Variants in ZNF717 observed in about 807,000 individuals in gnomAD.
ZNF717 encodes the protein krueppel-like factor X17.
ZNF717 carries 9 observed loss-of-function variants against 13.8 expected under a neutral mutation model. The observed-to-expected ratio is 0.65, with a 90% CI of 0.39 to 1.14. ZNF717 has a LOEUF of 1.14. Among genes scored for constraint, ZNF717 ranks in the 50% most tolerant of loss-of-function variants. ZNF717 has a pLI of 0.01. For synonymous variants in ZNF717, 327 were observed against 364.1 expected, an observed-to-expected ratio of 0.90 and a Z score of 1.16; for missense variants, 1,040 against 1,080.7, an observed-to-expected ratio of 0.96 and a Z score of 0.53.
downstream of ZNF717, among the ~76,000 whole-genome samples, chr3:75,706,985 G>A (rs1390643568): frequency 1.3e-5 from 2 of 152,422 alleles, no homozygotes; most frequent in Middle Eastern, 3.4e-3. Context: ...TATTGACTCA[G>A]AAGACCAAGT....
chr3:75,722,802 T>TAAAAAAAA (rs1559573571), intron 4 of ZNF717, among the ~76,000 whole-genome samples: 1 of 5,770 alleles, frequency 1.7e-4, no homozygotes, highest in African/African-American at 8.9e-4. Flanking sequence ...AAACTCCATC[T>TAAAAAAAA]CAAAAAAAAA....
downstream of ZNF717, chr3:75,732,074 C>G (rs1347687330): frequency 1.1e-5 from 8 of 702,922 alleles, no homozygotes; most frequent in Non-Finnish European, 2.1e-5. Flanking sequence ...TGGAGCTCCA[C>G]CAGGCTCCTG....
chr3:75,706,973 T>C (rs140375355), downstream of ZNF717, among the ~76,000 whole-genome samples: 2 of 152,406 alleles, frequency 1.3e-5, no homozygotes, highest in South Asian at 2.1e-4. Context: ...TGGGGAGAGG[T>C]TTATTGACTC....
At chr3:75,745,163 TTTTTC>T (rs1225708849) in intron 2 of ZNF717, among the ~76,000 whole-genome samples, 1 of 151,108 alleles carries the variant, frequency 6.6e-6, no homozygotes, top group African/African-American at 2.4e-5. Context: ...GTTGTTTTTT[TTTTTC>T]TTTCTGTCTT....
intron 2 of ZNF717, among the ~76,000 whole-genome samples, chr3:75,773,849 G>C (rs995509650): frequency 6.6e-6 from 1 of 152,124 alleles, no homozygotes; most frequent in Non-Finnish European, 1.5e-5. Context: ...CAGGAGTTCA[G>C]GGCCAGCCTG....
chr3:75,779,886 T>C (rs201111571), intron 2 of ZNF717, among the ~76,000 whole-genome samples: 1 of 104,830 alleles, frequency 9.5e-6, no homozygotes, highest in East Asian at 2.9e-4. Flanking sequence ...AATGGGAGTG[T>C]CCTGCTAAAC....
chr3:75,741,588 G>C, intron 3 of ZNF717, 22 bp downstream of exon 3: 1 of 1,588,920 alleles, frequency 6.3e-7, no homozygotes, highest in Non-Finnish European at 8.6e-7. Context: ...AATCCTGGGA[G>C]TTACTGGCAA....
chr3:75,737,976 G>C lies in ZNF717; in HGVS notation c.1647C>G (p.Tyr549Ter). ...ECGKTYSHKS[Y>*]LTVHHRTHTG... ...TGTGAGTTCTGTGATGTACTGTAAG[G>C]TATGACTTGTGGCTATATGTTTTTC... The change falls in exon 5 of 5, where the codon TAC becomes TAG. Residue 549 changes from tyrosine (Y) to a stop codon, truncating the protein, a stop_gained. Transcript: ENST00000652011. LOFTEE classifies it low-confidence loss of function (END_TRUNC). The C allele has an allele frequency of 3.2e-6, 5 of 1,544,074 alleles. No individual in the cohort carries two copies. The highest frequency in any genetic ancestry group is 4.4e-6 in the Non-Finnish European group (5 of 1,143,258).
intron 4 of ZNF717, among the ~76,000 whole-genome samples, chr3:75,719,907 G>A (rs1391432080): frequency 1.3e-5 from 2 of 151,826 alleles, no homozygotes; most frequent in Admixed American, 6.6e-5. Context: ...GCAGTGAGCT[G>A]AGATGGTGCC....
chr3:75,726,656 A>T (rs1938285790), downstream of ZNF717, among the ~76,000 whole-genome samples: 1 of 152,282 alleles, frequency 6.6e-6, no homozygotes, highest in African/African-American at 2.4e-5. Flanking sequence ...GTATCTAGAT[A>T]AACGATCCTG....
At chr3:75,722,361 T>C (rs1938184316) in intron 4 of ZNF717, among the ~76,000 whole-genome samples, 1 of 152,250 alleles carries the variant, frequency 6.6e-6, no homozygotes, top group Non-Finnish European at 1.5e-5. Context: ...AGAGTTGTAA[T>C]GTTTTTACAT....
chr3:75,758,632 T>C (rs1347175273), intron 2 of ZNF717, among the ~76,000 whole-genome samples: 10 of 152,120 alleles, frequency 6.6e-5, no homozygotes, highest in East Asian at 1.9e-4. Flanking sequence ...CAAACTTCAA[T>C]GTTGTATTAT....
At chr3:75,776,479 T>C (rs200415039) in intron 2 of ZNF717, among the ~76,000 whole-genome samples, 3 of 152,196 alleles carry the variant, frequency 2.0e-5, no homozygotes, top group Non-Finnish European at 2.9e-5. Flanking sequence ...TAGATTATTA[T>C]GCTGAAGTGT....
downstream of ZNF717, among the ~76,000 whole-genome samples, chr3:75,708,663 T>C (rs1481274662): frequency 2.6e-5 from 4 of 152,192 alleles, no homozygotes; most frequent in East Asian, 7.8e-4. Flanking sequence ...ACGATCAAAC[T>C]ACTCTGAGCT....
chr3:75,767,503 T>A (rs1390867738), intron 2 of ZNF717, among the ~76,000 whole-genome samples: 1 of 152,236 alleles, frequency 6.6e-6, no homozygotes, highest in East Asian at 1.9e-4. Flanking sequence ...GCCACAACTG[T>A]GAGGCTGAGC....
chr3:75,718,788 C>G (rs1419211448), intron 4 of ZNF717, among the ~76,000 whole-genome samples: 1 of 152,142 alleles, frequency 6.6e-6, no homozygotes, highest in African/African-American at 2.4e-5. Flanking sequence ...AGGCGGAGCT[C>G]AGGTCATAAT....
At chr3:75,753,439 G>T (rs796982101) in intron 2 of ZNF717, among the ~76,000 whole-genome samples, 130 of 110,140 alleles carry the variant, frequency 1.2e-3, no homozygotes, top group Middle Eastern at 6.3e-3. Flanking sequence ...ACTGCTACGA[G>T]GGTCTGAATG....
rs1310540477 is a variant in ZNF717 at position 75,738,445 on chromosome 3, T to G, written c.1178A>C (p.Lys393Thr). ...TCCACATTCACTACACTGATAGGGC[T>G]TTTCCCCTGAGTGAGTTCTGTGATG... ...TLHHRTHSGEKPYQCSECGKT... is the reference protein window; with the variant it reads ...TLHHRTHSGETPYQCSECGKT... Residue 393 changes from lysine (K) to threonine (T), a missense_variant, in exon 5 of 5, where the codon AAG becomes ACG. Lys to Thr is a moderately conservative substitution (Grantham distance 78). Transcript: ENST00000652011. The G allele has an allele frequency of 4.4e-5, 68 of 1,531,372 alleles. No homozygotes were observed. The highest frequency in any genetic ancestry group is 5.3e-5 in the Non-Finnish European group (60 of 1,132,456). 94.9% of individuals were successfully genotyped at this position (1,531,372 alleles called of 1,614,324 possible). A position where few individuals can be genotyped will look rare whatever the true frequency, so the allele number is the denominator to read the frequency against.
At chr3:75,704,948 G>A (rs1164820122), downstream of ZNF717, among the ~76,000 whole-genome samples, 1 of 152,306 alleles carries the variant, frequency 6.6e-6, no homozygotes, top group Non-Finnish European at 1.5e-5. Flanking sequence ...ATGACTAGAA[G>A]TTGAAATGTG....
Sources: gnomAD v4.1 joint callset for allele counts (sites outside exome capture counted in the v4.1 genomes callset) on GRCh38, gnomAD v4.1.1 for gene constraint, MANE v1.5 for transcripts, NCBI Gene and HGNC (gene_info 2026-07-23, HGNC 2026-07-21) for gene names.